The following CTC1 variants were observed in gnomAD, a reference collection of about 807,000 sequenced individuals.
The protein encoded by CTC1 is CST complex subunit CTC1.
CTC1 carries 91 observed loss-of-function variants against 136.3 expected under a neutral mutation model. That is an observed-to-expected ratio of 0.67 (90% CI 0.56 to 0.79). The LOEUF (loss-of-function observed/expected upper bound fraction) is 0.79. CTC1 is among the 30% of genes least tolerant of loss of function. The probability of loss-of-function intolerance (pLI) is 0.00; values close to 1 mark genes in which losing one functional copy is unlikely to be tolerated. For missense variants in CTC1, 1,432 were observed against 1,498.1 expected, an observed-to-expected ratio of 0.96 and a Z score of 0.73; for synonymous variants, 606 against 613.8, an observed-to-expected ratio of 0.99 and a Z score of 0.19.
At chr17:8,237,658 T>A (rs1987848546) in intron 4 of CTC1, 139 bp from the exon 5 acceptor site, 6 of 91,120 alleles carry the variant, frequency 6.6e-5, no homozygotes, top group Middle Eastern at 8.1e-3. Context: ...GGAGTGAAAC[T>A]ACGTCTCAAA....
intron 2 of CTC1, among the ~76,000 whole-genome samples, chr17:8,240,082 A>G (rs1988081462): frequency 6.6e-6 from 1 of 152,174 alleles, no homozygotes; most frequent in African/African-American, 2.4e-5. Flanking sequence ...GCCTCATTCA[A>G]AAGTCCATGT....
Position 8,229,904 on chromosome 17 carries a change from CAG to C in CTC1, c.2996_2997del (p.Pro999ArgfsTer15), listed in dbSNP as rs761922947. 37 of 1,613,880 alleles carry C rather than the reference CAG, an allele frequency of 2.3e-5. No individual in the cohort carries two copies. The highest frequency in any genetic ancestry group is 1.7e-4 in the Admixed American group (10 of 59,992). The part of the protein sequence containing the change: ...STYVQVLSFP[P>X]ETTISIPLPH... The stretch of plus-strand genomic sequence containing the variant: ...CTGGGCACTGACCTGATGGTGGTCT[CAG>C]GGGGAAAACTCAGGACCTGCACATA... On this transcript the variant is annotated frameshift_variant, in exon 18 of 23. Coordinates refer to ENST00000651323, the MANE Select transcript of CTC1 (RefSeq NM_025099.6). LOFTEE classifies it high-confidence loss of function.
At chr17:8,234,263 C>T (rs1987494134) in intron 10 of CTC1, among the ~76,000 whole-genome samples, 192 bp downstream of exon 10, 2 of 152,254 alleles carry the variant, frequency 1.3e-5, no homozygotes, top group South Asian at 2.1e-4. Context: ...GCATGAGCCA[C>T]TGTGCCTGGC....
intron 18 of CTC1, among the ~76,000 whole-genome samples, 193 bp downstream of exon 18, chr17:8,229,698 A>T (rs1987045877): frequency 6.6e-6 from 1 of 152,232 alleles, no homozygotes; most frequent in Non-Finnish European, 1.5e-5. Flanking sequence ...AAAAGCCTAG[A>T]ACACTAAATG....
In CTC1 at chr17:8,236,296, G is replaced by A; in HGVS notation, c.839C>T (p.Ala280Val). The change falls in exon 6 of 23, where the codon GCC becomes GTC. Residue 280 changes from alanine to valine, a missense_variant. Ala to Val is a moderately conservative substitution (Grantham distance 64). Coordinates refer to ENST00000651323, the MANE Select transcript of CTC1 (RefSeq NM_025099.6). ...CACTCGCAGTTCTGTCAGCACATAG[G>A]CTGTACCAGGCCGAAGGGCTCTGTG... is the stretch of plus-strand genomic sequence containing the variant. The part of the protein sequence containing the change: ...VWHRALRPGT[A>V]YVLTELRVSK... The A allele has an allele frequency of 6.2e-7, 1 of 1,612,474 alleles. No individual in the cohort carries two copies. Among genetic ancestry groups the A allele is most frequent in the Non-Finnish European group, 8.5e-7 (1 of 1,180,020 alleles).
Position 8,225,728 on chromosome 17 carries a change from G to T in CTC1, c.*2452C>A, listed in dbSNP as rs1188084105. 6.6e-6 allele frequency: 1 copy of T among 152,144 alleles called. No individual in the cohort carries two copies. Among genetic ancestry groups the T allele is most frequent in the Non-Finnish European group, 1.5e-5 (1 of 68,048 alleles). 9.4% of individuals were successfully genotyped at this position (152,144 alleles called of 1,614,324 possible). A position where few individuals can be genotyped will look rare whatever the true frequency, so the allele number is the denominator to read the frequency against. On this transcript the variant is annotated 3_prime_UTR_variant, in exon 23 of 23. Coordinates refer to ENST00000651323, the MANE Select transcript of CTC1 (RefSeq NM_025099.6). The stretch of plus-strand genomic sequence containing the variant: ...CCCTGACATCCCGCTGGTGGAGAGG[G>T]ATGGAGGTAACTGCAAGTGAAAGAC...
At position 8,231,865 on chromosome 17, in the gene CTC1, C is replaced by A. The variant is rs764865547; in HGVS notation, c.2385+38G>T. 4.3e-6 allele frequency: 7 copies of A among 1,613,142 alleles called. No homozygotes were observed. The South Asian group carries it at 7.7e-5, about 18-fold the overall frequency. The stretch of plus-strand genomic sequence containing the variant: ...TGGGATCCTAGCCAGAGGCTCAGGG[C>A]GCAGGTCAGGTCCTGGGTCCCTGGA... On this transcript the variant is annotated intron_variant, in intron 13 of 22. Transcript: ENST00000651323.
intron 18 of CTC1, 61 bp downstream of exon 18, chr17:8,229,830 G>T: frequency 7.3e-7 from 1 of 1,365,864 alleles, no homozygotes; most frequent in Non-Finnish European, 1.0e-6. Context: ...CAGAACCAGG[G>T]ACATGTGGGA....
At position 8,237,431 on chromosome 17, in the gene CTC1, T is replaced by G. The variant is rs1030183723; in HGVS notation, c.736A>C (p.Ile246Leu). 1 of 1,613,948 alleles carries G rather than the reference T, an allele frequency of 6.2e-7. No individual in the cohort carries two copies. The highest frequency in any genetic ancestry group is 8.5e-7 in the Non-Finnish European group (1 of 1,179,932). The change falls in exon 5 of 23, where the codon ATC (isoleucine) becomes CTC (leucine). Residue 246 changes from isoleucine (I) to leucine (L), a missense_variant. Coordinates refer to ENST00000651323, the MANE Select transcript of CTC1 (RefSeq NM_025099.6). ...LVKSKQKAYFILSLGRSHPAV... is the reference protein window; with the variant it reads ...LVKSKQKAYFLLSLGRSHPAV... Reference sequence around the variant, plus strand: ...GGGTGTGATCTACCAAGAGACAGGATGAAGTAAGCTTTCTGTTTACTTTTC... The same window carrying G: ...GGGTGTGATCTACCAAGAGACAGGAGGAAGTAAGCTTTCTGTTTACTTTTC...
At position 8,229,128 on chromosome 17, in the gene CTC1, C is replaced by T. The variant is rs1056455344; in HGVS notation, c.3221+14G>A. The T allele has an allele frequency of 3.1e-6, 5 of 1,613,048 alleles. No homozygotes were observed. The highest frequency in any genetic ancestry group is 4.2e-6 in the Non-Finnish European group (5 of 1,179,874). ...AAGTAAATGGCACAATGGGTGCACG[C>T]CTTGTGCTCTCACCTGATGATGGCC... On this transcript the variant is annotated intron_variant, in intron 20 of 22. Transcript: ENST00000651323.
rs753090628 is a variant in CTC1 at position 8,226,689 on chromosome 17, T to C, written c.*1491A>G. ...ATCGCCTTAACCACTCGGCCACGAC[T>C]ACGAGGCTTAGGGCTTCGTTTTCAT... On this transcript the variant is annotated 3_prime_UTR_variant, in exon 23 of 23. Coordinates refer to ENST00000651323, the MANE Select transcript of CTC1 (RefSeq NM_025099.6). 12 of 152,214 alleles carry C rather than the reference T, an allele frequency of 7.9e-5. No homozygotes were observed. Among genetic ancestry groups the C allele is most frequent in the Non-Finnish European group, 1.2e-4 (8 of 68,050 alleles). The allele number at this position is 152,214 out of a possible 1,614,324, so 9.4% of individuals were successfully genotyped here.
intron 1 of CTC1, among the ~76,000 whole-genome samples, chr17:8,245,745 G>A (rs1320280942): frequency 6.6e-6 from 1 of 152,040 alleles, no homozygotes; most frequent in Non-Finnish European, 1.5e-5. Context: ...ACTAGTCTGG[G>A]CAACAAGGCA....
intron 15 of CTC1, chr17:8,231,038 G>A (rs1987173232): frequency 2.0e-6 from 1 of 494,760 alleles, no homozygotes; most frequent in Non-Finnish European, 3.6e-6. Flanking sequence ...CTATTTGGGA[G>A]GCTGATGCAG....
In CTC1 at chr17:8,236,286, C is replaced by T; in HGVS notation, c.849G>A (p.Leu283=). Residue 283 remains leucine, a synonymous_variant, in exon 6 of 23, where the codon CTG becomes CTA. Transcript: ENST00000651323. ...GGATCTTGGACACTCGCAGTTCTGT[C>T]AGCACATAGGCTGTACCAGGCCGAA... The part of the protein sequence containing the change: ...RALRPGTAYV[L]TELRVSKIRG... The T allele has an allele frequency of 1.2e-6, 2 of 1,613,442 alleles. No homozygotes were observed. Among genetic ancestry groups the T allele is most frequent in the Non-Finnish European group, 1.7e-6 (2 of 1,180,038 alleles).
chr17:8,228,424 C>A, intron 22 of CTC1, 79 bp downstream of exon 22: 1 of 1,610,512 alleles, frequency 6.2e-7, no homozygotes. Context: ...AGTCCCTCAT[C>A]CCTCTTCCTC....
Position 8,232,350 on chromosome 17 carries a change from A to C in CTC1, c.2060+11T>G. ...CCAGACTCAAGACAACCATGACCCC[A>C]AGGAGCCAACCTGGCCTGCTGCTTC... On this transcript the variant is annotated intron_variant, in intron 12 of 22. Coordinates refer to ENST00000651323, the MANE Select transcript of CTC1 (RefSeq NM_025099.6). 1 of 1,611,996 alleles carries C rather than the reference A, an allele frequency of 6.2e-7. No homozygotes were observed. Among genetic ancestry groups the C allele is most frequent in the Non-Finnish European group, 8.5e-7 (1 of 1,178,828 alleles).
In CTC1 at chr17:8,238,163, T is replaced by A. The variant is rs767490808; in HGVS notation, c.515A>T (p.Asn172Ile). 2 of 1,613,934 alleles carry A rather than the reference T, an allele frequency of 1.2e-6. No individual in the cohort carries two copies. Among genetic ancestry groups the A allele is most frequent in the Non-Finnish European group, 1.7e-6 (2 of 1,179,938 alleles). The change falls in exon 4 of 23, where the codon AAT (asparagine) becomes ATT (isoleucine). Residue 172 changes from asparagine (N) to isoleucine (I), a missense_variant. By Grantham distance (149) the Asn-to-Ile change is moderately radical. Transcript: ENST00000651323. ...RWSYLPPARWNSSGEGHLELW... is the reference protein window; with the variant it reads ...RWSYLPPARWISSGEGHLELW... ...CTCCAAGTGCCCTTCCCCTGAGGAA[T>A]TCCACCTGGCAGGAGGGAGGTAACT...
chr17:8,228,977 T>C, intron 20 of CTC1, 85 bp from the exon 21 acceptor site: 1 of 1,511,066 alleles, frequency 6.6e-7, no homozygotes, highest in Non-Finnish European at 9.0e-7. Flanking sequence ...CTCCCCGCTG[T>C]CTGCAGTCTT....
In CTC1 at chr17:8,227,283, C is replaced by T. The variant is rs1986807717; in HGVS notation, c.*897G>A. 6.6e-6 allele frequency: 1 copy of T among 151,636 alleles called. No individual in the cohort carries two copies. The highest frequency in any genetic ancestry group is 2.4e-5 in the African/African-American group (1 of 40,926). The allele number at this position is 151,636 out of a possible 1,614,324, so 9.4% of individuals were successfully genotyped here. ...ATCAGTCCCCAGTAAAGAAATGCAG[C>T]AACACCAGCCAAAGGCATTGGTATC... On this transcript the variant is annotated 3_prime_UTR_variant, in exon 23 of 23. Coordinates refer to ENST00000651323, the MANE Select transcript of CTC1 (RefSeq NM_025099.6).
Sources: gnomAD v4.1 joint callset for allele counts (sites outside exome capture counted in the v4.1 genomes callset) on GRCh38, gnomAD v4.1.1 for gene constraint, MANE v1.5 for transcripts, NCBI Gene and HGNC (gene_info 2026-07-23, HGNC 2026-07-21) for gene names.